PACRG: variants seen among roughly 807,000 people sequenced by gnomAD.
PACRG encodes parkin coregulated gene protein.
A neutral mutation model predicts 29.7 loss-of-function variants in PACRG; 29 were observed. That is an observed-to-expected ratio of 0.98 (90% CI 0.73 to 1.33). The LOEUF (loss-of-function observed/expected upper bound fraction) is 1.33. Ranked by LOEUF, PACRG falls within the 40% of genes most tolerant of loss-of-function variation. The pLI is 0.00. For synonymous variants in PACRG, 116 were observed against 118.7 expected (o/e 0.98, Z 0.15); for missense variants, 279 against 316.2 (o/e 0.88, Z 0.89).
At chr6:162,784,246 A>G (rs1784294590) in intron 1 of PACRG, among the ~76,000 whole-genome samples, 3 of 152,200 alleles carry the variant, frequency 2.0e-5, no homozygotes, top group African/African-American at 7.2e-5. Flanking sequence ...ATAGTTTTCT[A>G]TCTTCCCCTG....
chr6:163,304,548 C>G (rs564001234), intron 4 of PACRG, among the ~76,000 whole-genome samples: 1 of 152,182 alleles, frequency 6.6e-6, no homozygotes, highest in South Asian at 2.1e-4. Context: ...TTTAGAGTAA[C>G]CTGGAAATAA....
At chr6:163,242,195 C>G (rs1316975427) in intron 4 of PACRG, among the ~76,000 whole-genome samples, 1 of 152,156 alleles carries the variant, frequency 6.6e-6, no homozygotes, top group Non-Finnish European at 1.5e-5. Flanking sequence ...TTCTCTTGCC[C>G]TATGGACCTA....
chr6:163,253,559 G>A (rs1024715058), intron 4 of PACRG, among the ~76,000 whole-genome samples: 1 of 152,112 alleles, frequency 6.6e-6, no homozygotes, highest in African/African-American at 2.4e-5. Flanking sequence ...TTTTACAGGA[G>A]AGGAGACTGA....
At chr6:162,920,099 G>T (rs142633563) in intron 2 of PACRG, among the ~76,000 whole-genome samples, 131 of 152,024 alleles carry the variant, frequency 8.6e-4, no homozygotes, top group Non-Finnish European at 1.5e-3. Context: ...TGATCTTGGC[G>T]CATAGAAGGT....
chr6:163,028,023 G>A (rs977182652), intron 2 of PACRG, among the ~76,000 whole-genome samples: 5 of 152,154 alleles, frequency 3.3e-5, no homozygotes, highest in African/African-American at 4.8e-5. Flanking sequence ...GAGAGAAGTC[G>A]TGAGTCACTT....
chr6:163,195,406 G>A (rs1780407654), intron 4 of PACRG, among the ~76,000 whole-genome samples: 5 of 152,230 alleles, frequency 3.3e-5, no homozygotes, highest in East Asian at 1.9e-4. Context: ...CCTCATGTGG[G>A]TTCTCCTTAC....
At chr6:163,281,266 G>T (rs776561368) in intron 4 of PACRG, among the ~76,000 whole-genome samples, 4 of 152,158 alleles carry the variant, frequency 2.6e-5, no homozygotes, top group African/African-American at 4.8e-5. Context: ...CGGCAGCAAG[G>T]CTACTGGGAA....
chr6:163,108,389 TC>T, intron 4 of PACRG, among the ~76,000 whole-genome samples: 1 of 126,896 alleles, frequency 7.9e-6, no homozygotes, highest in Non-Finnish European at 1.6e-5. Flanking sequence ...CTCTTCTCTT[TC>T]CCTTTTTTTT....
rs189880044 is a variant in PACRG at position 163,026,919 on chromosome 6, G to T, written c.292-35231G>T. Reference sequence around the variant, plus strand: ...AGTCTTCTTGTCAGGGTGTCTTTTGGGATTGTATTCATATTGGAAGCCCTG... The same window carrying T: ...AGTCTTCTTGTCAGGGTGTCTTTTGTGATTGTATTCATATTGGAAGCCCTG... On this transcript the variant is annotated intron_variant, in intron 2 of 4. Transcript: ENST00000366888. Among the ~76,000 whole-genome samples the T allele has an allele frequency of 2.0e-5, 3 of 152,280 alleles. No individual in the cohort carries two copies. In the East Asian group the frequency reaches 5.8e-4, roughly 29 times the overall value.
chr6:163,041,433 T>G, intron 2 of PACRG, among the ~76,000 whole-genome samples: 1 of 152,226 alleles, frequency 6.6e-6, no homozygotes, highest in Admixed American at 6.5e-5. Context: ...CATGCTGTTC[T>G]CATGATAATG....
chr6:163,151,794 A>G (rs1034551871), intron 4 of PACRG, among the ~76,000 whole-genome samples: 26 of 152,234 alleles, frequency 1.7e-4, no homozygotes, highest in African/African-American at 4.6e-4. Context: ...CGGAACTTAA[A>G]TATTATCAAA....
At chr6:163,133,086 C>T (rs367828615) in intron 4 of PACRG, among the ~76,000 whole-genome samples, 115 of 152,224 alleles carry the variant, frequency 7.6e-4, no homozygotes, top group African/African-American at 2.5e-3. Flanking sequence ...GGTTAATAGG[C>T]CAGTATTGGT....
intron 2 of PACRG, among the ~76,000 whole-genome samples, chr6:162,975,678 G>GAA (rs1173068974): frequency 6.6e-6 from 1 of 151,742 alleles, no homozygotes; most frequent in Non-Finnish European, 1.5e-5. Flanking sequence ...ATATCTATTC[G>GAA]AAATTAGTTT....
rs559107296 is a variant in PACRG, at chr6:163,275,544, C to T, written c.614-39283C>T. On this transcript the variant is annotated intron_variant, in intron 4 of 4. Transcript: ENST00000366888. Reference sequence around the variant, plus strand: ...GCCTTTAGACTTTTTATTTGAAGAACAGTCTTACTGGATCTAAAATTTCTG... The same window carrying T: ...GCCTTTAGACTTTTTATTTGAAGAATAGTCTTACTGGATCTAAAATTTCTG... Among the ~76,000 whole-genome samples, 35 of 152,214 alleles carry T rather than the reference C, an allele frequency of 2.3e-4. 1 individual carries two copies. In the South Asian group the frequency reaches 7.0e-3, roughly 31 times the overall value.
At chr6:162,727,306 G>T (rs1779287053), upstream of PACRG, 2 of 347,004 alleles carry the variant, frequency 5.8e-6, no homozygotes, top group African/African-American at 4.4e-5. Context: ...AGGGGCGGCG[G>T]CGGGGCGAAG....
At chr6:162,943,246 G>T (rs183865893) in intron 2 of PACRG, among the ~76,000 whole-genome samples, 19 of 152,278 alleles carry the variant, frequency 1.2e-4, no homozygotes, top group Admixed American at 1.2e-3. Context: ...AATGCATCCT[G>T]TTCTGGGGAC....
intron 4 of PACRG, among the ~76,000 whole-genome samples, chr6:163,306,083 C>T (rs1046360153): frequency 2.0e-5 from 3 of 152,156 alleles, no homozygotes; most frequent in Admixed American, 1.3e-4. Flanking sequence ...CATTTTCTCA[C>T]CTCTCAAAAC....
intron 2 of PACRG, among the ~76,000 whole-genome samples, chr6:162,900,306 A>G (rs533938124): frequency 3.3e-5 from 5 of 152,046 alleles, no homozygotes; most frequent in African/African-American, 1.2e-4. Flanking sequence ...ATTTTACTCC[A>G]TCTCTTCTTG....
intron 4 of PACRG, among the ~76,000 whole-genome samples, chr6:163,261,042 G>A (rs1349820045): frequency 2.0e-5 from 3 of 151,874 alleles, no homozygotes; most frequent in African/African-American, 7.3e-5. Context: ...AGCAGAGTTC[G>A]AATCCTTCCA....
Sources: gnomAD v4.1 joint callset for allele counts (sites outside exome capture counted in the v4.1 genomes callset) on GRCh38, gnomAD v4.1.1 for gene constraint, MANE v1.5 for transcripts, NCBI Gene and HGNC (gene_info 2026-07-23, HGNC 2026-07-21) for gene names.